Variants in PNKD observed in about 807,000 individuals in gnomAD.
PNKD encodes the protein probable thioesterase PNKD.
Under a neutral mutation model 45.3 loss-of-function variants are expected in PNKD, and 36 were observed. The ratio of observed to expected loss-of-function variants is 0.80; its 90% CI spans 0.61 to 1.05. PNKD has a LOEUF of 1.05. Among genes scored for constraint, PNKD ranks in the 50% least tolerant of loss-of-function variants. The probability of loss-of-function intolerance (pLI) is 0.00; values close to 1 mark genes in which losing one functional copy is unlikely to be tolerated. For synonymous variants in PNKD, 197 were observed against 210.1 expected (o/e 0.94, Z 0.54); for missense variants, 511 against 506.6 (o/e 1.01, Z -0.08).
chr2:218,310,216 T>A (rs1421440311), intron 2 of PNKD, among the ~76,000 whole-genome samples: 1 of 151,900 alleles, frequency 6.6e-6, no homozygotes, highest in Non-Finnish European at 1.5e-5. Flanking sequence ...CAATGTTTTT[T>A]GTTTTTGTTT....
At chr2:218,278,556 G>A (rs769375632) in intron 2 of PNKD, 11 of 1,614,062 alleles carry the variant, frequency 6.8e-6, no homozygotes, top group African/African-American at 6.7e-5. Flanking sequence ...AGGTGACAAC[G>A]AAGACAGCAC....
chr2:218,279,215 G>A (rs1030920630), intron 2 of PNKD: 22 of 1,555,388 alleles, frequency 1.4e-5, no homozygotes, highest in Admixed American at 3.6e-5. Context: ...AGGGCCCACC[G>A]CCACCCACAC....
Position 218,327,686 on chromosome 2 carries a change from C to G in PNKD, c.237-12097C>G, listed in dbSNP as rs1574705753. 2.0e-5 allele frequency: 3 copies of G among 152,972 alleles called. No homozygotes were observed. The East Asian group carries it at 5.8e-4, about 29-fold the overall frequency. The allele number at this position is 152,972 out of a possible 1,614,324, so 9.5% of individuals were successfully genotyped here. A position where few individuals can be genotyped will look rare whatever the true frequency, so the allele number is the denominator to read the frequency against. On this transcript the variant is annotated intron_variant, in intron 2 of 9. Coordinates refer to ENST00000273077, the MANE Select transcript of PNKD (RefSeq NM_015488.5). ...GCAGCCTTCCCACACCCCCTACAGA[C>G]CTGCCCAGTTTCATCTCCCCCAGGC...
chr2:218,290,836 A>T (rs751672478), intron 2 of PNKD, among the ~76,000 whole-genome samples: 1 of 152,228 alleles, frequency 6.6e-6, no homozygotes, highest in Admixed American at 6.5e-5. Context: ...TGTCAAGGTC[A>T]TCCCTTCCAC....
intron 2 of PNKD, among the ~76,000 whole-genome samples, chr2:218,276,243 G>C (rs1430102270): frequency 2.6e-5 from 4 of 152,134 alleles, no homozygotes; most frequent in African/African-American, 4.8e-5. Flanking sequence ...AATTAAGACT[G>C]GTGATATATC....
intron 2 of PNKD, among the ~76,000 whole-genome samples, chr2:218,325,423 G>A (rs926495416): frequency 4.0e-5 from 6 of 151,254 alleles, no homozygotes; most frequent in African/African-American, 1.5e-4. Flanking sequence ...GGTCAGGCTG[G>A]TCTTCAACTC....
At chr2:218,289,109 G>A (rs917201102) in intron 2 of PNKD, among the ~76,000 whole-genome samples, 8 of 152,350 alleles carry the variant, frequency 5.3e-5, no homozygotes, top group Middle Eastern at 6.8e-3. Context: ...ACGCACCTGC[G>A]TGAATAGGCA....
At position 218,342,158 on chromosome 2, in the gene PNKD, A is replaced by C; in HGVS notation, c.781+14A>C. 1 of 1,610,392 alleles carries C rather than the reference A, an allele frequency of 6.2e-7. No homozygotes were observed. Among genetic ancestry groups the C allele is most frequent in the Non-Finnish European group, 8.5e-7 (1 of 1,179,100 alleles). On this transcript the variant is annotated intron_variant, in intron 7 of 9. Coordinates refer to ENST00000273077, the MANE Select transcript of PNKD (RefSeq NM_015488.5). ...TCTCTGGCTGTGGTGAGTTTCCCCG[A>C]AAGAGAGAGGAGCTGGGAGAGGAGG...
Position 218,340,149 on chromosome 2 carries a change from GAGGGC to G in PNKD, c.465+13_465+17del. On this transcript the variant is annotated intron_variant, in intron 4 of 9. Coordinates refer to ENST00000273077, the MANE Select transcript of PNKD (RefSeq NM_015488.5). This position sits in a 1 kb window ranked among gnomAD's most constrained non-coding sequence, Gnocchi z 4.2. ...GACCCTCGGGCTGTGCAGGTGAGGG[GAGGGC>G]AGGGAGCAGGGGGTGCCTGGAGTCA... is the stretch of plus-strand genomic sequence containing the variant. 6.4e-7 allele frequency: 1 copy of G among 1,574,342 alleles called. No homozygotes were observed. The highest frequency in any genetic ancestry group is 8.7e-7 in the Non-Finnish European group (1 of 1,144,580).
In PNKD at chr2:218,275,418, C is replaced by T; in HGVS notation, c.236+3869C>T. The T allele has an allele frequency of 1.9e-6, 3 of 1,573,166 alleles. No individual in the cohort carries two copies. In the South Asian group the frequency reaches 3.6e-5, roughly 19 times the overall value. On this transcript the variant is annotated intron_variant, in intron 2 of 9. Transcript: ENST00000273077. Reference sequence around the variant, plus strand: ...AAGCCCAGACCACAGTCATAGGGCCCAGCCCTCTAGCTTGGAAGGGAGAGC... The same window carrying T: ...AAGCCCAGACCACAGTCATAGGGCCTAGCCCTCTAGCTTGGAAGGGAGAGC...
rs563756585 is a variant in PNKD at position 218,323,896 on chromosome 2, G to C, written c.237-15887G>C. 3.9e-5 allele frequency among the ~76,000 whole-genome samples: 6 copies of C among 152,248 alleles called. No individual in the cohort carries two copies. The East Asian group carries it at 1.2e-3, about 29-fold the overall frequency. ...CCGCCAACTCCTTTCGTATGTCCTTGTCCCACTCCCCAGCATCCAACTCCT... is the reference window on the plus strand; with the variant it reads ...CCGCCAACTCCTTTCGTATGTCCTTCTCCCACTCCCCAGCATCCAACTCCT... On this transcript the variant is annotated intron_variant, in intron 2 of 9. Coordinates refer to ENST00000273077, the MANE Select transcript of PNKD (RefSeq NM_015488.5).
intron 2 of PNKD, among the ~76,000 whole-genome samples, chr2:218,297,453 GGGT>G (rs895784129): frequency 1.3e-5 from 2 of 152,006 alleles, no homozygotes; most frequent in Non-Finnish European, 2.9e-5. Context: ...GGAGGTCAGG[GGGT>G]GGATCACCTG....
At position 218,339,269 on chromosome 2, in the gene PNKD, T is replaced by C. The variant is rs546517077; in HGVS notation, c.237-514T>C. 2.0e-5 allele frequency among the ~76,000 whole-genome samples: 3 copies of C among 151,356 alleles called. No homozygotes were observed. In the South Asian group the frequency reaches 6.3e-4, roughly 32 times the overall value. On this transcript the variant is annotated intron_variant, in intron 2 of 9. Coordinates refer to ENST00000273077, the MANE Select transcript of PNKD (RefSeq NM_015488.5). ...AAACCCCTCACTCTCCAAGTCTCTCTTTTTTTTTAGACAGAGTCTCACTCT... is the reference window on the plus strand; with the variant it reads ...AAACCCCTCACTCTCCAAGTCTCTCCTTTTTTTTAGACAGAGTCTCACTCT...
At chr2:218,282,248 A>T in intron 2 of PNKD, 1 of 934,330 alleles carries the variant, frequency 1.1e-6, no homozygotes, top group Non-Finnish European at 1.5e-6. Context: ...TCATGGGCCC[A>T]CTTCCAGCCT....
intron 2 of PNKD, among the ~76,000 whole-genome samples, chr2:218,321,446 C>T (rs926471406): frequency 6.6e-6 from 1 of 152,106 alleles, no homozygotes; most frequent in Admixed American, 6.6e-5. Context: ...AGGGAGCAGG[C>T]CATAGGCTCT....
At chr2:218,293,826 G>A (rs1693064445) in intron 2 of PNKD, among the ~76,000 whole-genome samples, 1 of 149,768 alleles carries the variant, frequency 6.7e-6, no homozygotes, top group African/African-American at 2.5e-5. Flanking sequence ...TGCATAGGCT[G>A]GTCTCAAACC....
intron 2 of PNKD, among the ~76,000 whole-genome samples, chr2:218,307,907 T>C (rs962388539): frequency 2.6e-5 from 4 of 152,106 alleles, no homozygotes; most frequent in African/African-American, 4.8e-5. Flanking sequence ...GGCTGAACAA[T>C]GACAAATGGG....
At chr2:218,323,793 G>A (rs1294859211) in intron 2 of PNKD, among the ~76,000 whole-genome samples, 2 of 150,400 alleles carry the variant, frequency 1.3e-5, no homozygotes, top group South Asian at 2.1e-4. Flanking sequence ...CCTGTCCGGG[G>A]GTGAGGTCAG....
At position 218,324,997 on chromosome 2, in the gene PNKD, C is replaced by CTTTTTTTTTTTTTTT. The variant is rs1167758595; in HGVS notation, c.237-14772_237-14758dup. 3.2e-5 allele frequency among the ~76,000 whole-genome samples: 2 copies of CTTTTTTTTTTTTTTT among 62,660 alleles called. 1 individual carries two copies. The highest frequency in any genetic ancestry group is 1.3e-4 in the African/African-American group (2 of 14,862). 41.1% of individuals were successfully genotyped at this position (62,660 alleles called of 152,430 possible). On this transcript the variant is annotated intron_variant, in intron 2 of 9. Transcript: ENST00000273077. ...AACATGAAGGTATCTAAATAATTTT[C>CTTTTTTTTTTTTTTT]TTTTTTTTTTTTTTTTTTTTTTTTT...
Sources: gnomAD v4.1 joint callset for allele counts (sites outside exome capture counted in the v4.1 genomes callset) on GRCh38, gnomAD v4.1.1 for gene constraint, Gnocchi (gnomAD v3.1) non-coding constraint, MANE v1.5 for transcripts, NCBI Gene and HGNC (gene_info 2026-07-23, HGNC 2026-07-21) for gene names.